KCNT2: variants seen among roughly 807,000 people sequenced by gnomAD.
KCNT2 encodes potassium channel subfamily T member 2.
In KCNT2, 67 loss-of-function variants were observed where a neutral mutation model predicts 153.8. The ratio of observed to expected loss-of-function variants is 0.44; its 90% CI spans 0.36 to 0.53. The LOEUF is 0.53. Among genes scored for constraint, KCNT2 ranks in the 20% least tolerant of loss-of-function variants. The pLI is 0.00. For synonymous variants in KCNT2, 500 were observed against 458.8 expected (o/e 1.09, Z -1.15); for missense variants, 975 against 1,354.8 (o/e 0.72, Z 4.40).
intron 12 of KCNT2, among the ~76,000 whole-genome samples, chr1:196,422,270 C>T (rs980410277): frequency 5.9e-5 from 9 of 151,906 alleles, no homozygotes; most frequent in East Asian, 1.9e-4. Context: ...GAGAATAAAA[C>T]GTATACCTGA....
At chr1:196,463,539 G>A (rs1327471225) in intron 8 of KCNT2, among the ~76,000 whole-genome samples, 1 of 151,574 alleles carries the variant, frequency 6.6e-6, no homozygotes, top group Non-Finnish European at 1.5e-5. Flanking sequence ...TCCACTACTG[G>A]TGACAGTTGT....
chr1:196,371,435 T>A (rs972813072), intron 14 of KCNT2, among the ~76,000 whole-genome samples: 1 of 151,978 alleles, frequency 6.6e-6, no homozygotes, highest in Non-Finnish European at 1.5e-5. Context: ...GATGGTTGGA[T>A]AATTCTATGA....
chr1:196,275,177 C>G (rs1483521020), intron 25 of KCNT2, among the ~76,000 whole-genome samples: 1 of 151,764 alleles, frequency 6.6e-6, no homozygotes, highest in Non-Finnish European at 1.5e-5. Context: ...AAATACTGAT[C>G]CTTTTTGTCC....
chr1:196,528,645 A>G (rs1020275252), intron 1 of KCNT2, among the ~76,000 whole-genome samples: 1 of 152,148 alleles, frequency 6.6e-6, no homozygotes, highest in Non-Finnish European at 1.5e-5. Context: ...TCGTAAAAAA[A>G]CAGAATCATT....
At chr1:196,258,048 C>A in intron 26 of KCNT2, 146 bp downstream of exon 26, 1 of 1,429,794 alleles carries the variant, frequency 7.0e-7, no homozygotes, top group Non-Finnish European at 9.1e-7. Flanking sequence ...TTTAAATTTT[C>A]TGTAGGAGAT....
At chr1:196,539,893 G>C (rs949856061) in intron 1 of KCNT2, among the ~76,000 whole-genome samples, 3 of 151,658 alleles carry the variant, frequency 2.0e-5, no homozygotes, top group African/African-American at 7.3e-5. Flanking sequence ...ATTAGTTACA[G>C]TGGCATGCTG....
chr1:196,546,038 A>G lies in KCNT2; in HGVS notation c.96-53697T>C, dbSNP rs567580794. Reference sequence around the variant, plus strand: ...TCCATTTCTCTTGAGTATATAACCAATAGTATTCTGGGCCATATAGTAAAT... The same window carrying G: ...TCCATTTCTCTTGAGTATATAACCAGTAGTATTCTGGGCCATATAGTAAAT... On this transcript the variant is annotated intron_variant, in intron 1 of 27. Transcript: ENST00000294725. 1.5e-3 allele frequency among the ~76,000 whole-genome samples: 230 copies of G among 152,154 alleles called. 2 individuals are homozygous for G. The highest frequency in any genetic ancestry group is 5.0e-3 in the African/African-American group (209 of 41,540).
At chr1:196,404,671 A>G (rs769341422) in intron 12 of KCNT2, among the ~76,000 whole-genome samples, 1 of 151,532 alleles carries the variant, frequency 6.6e-6, no homozygotes, top group Non-Finnish European at 1.5e-5. Context: ...ATGCTACTTG[A>G]TCCCATTGTA....
rs539150086 is a variant in KCNT2, at chr1:196,417,236, C to T, written c.1185+5814G>A. 2.7e-4 allele frequency among the ~76,000 whole-genome samples: 41 copies of T among 152,164 alleles called. No homozygotes were observed. The South Asian group carries it at 8.1e-3, about 30-fold the overall frequency. ...CAGGCAGTTCAACTGCAAATTTACC[C>T]ATGTTTATACTGACATCTCAAGGGT... On this transcript the variant is annotated intron_variant, in intron 12 of 27. Coordinates refer to ENST00000294725, the MANE Select transcript of KCNT2 (RefSeq NM_198503.5).
At chr1:196,270,874 A>C (rs1413975406) in intron 25 of KCNT2, among the ~76,000 whole-genome samples, 1 of 151,672 alleles carries the variant, frequency 6.6e-6, no homozygotes, top group African/African-American at 2.4e-5. Context: ...AAACCTACAC[A>C]CTACAAGGTA....
intron 13 of KCNT2, among the ~76,000 whole-genome samples, chr1:196,374,134 A>G (rs929200539): frequency 6.6e-6 from 1 of 151,950 alleles, no homozygotes; most frequent in Non-Finnish European, 1.5e-5. Context: ...ATAAACAAGT[A>G]TAGCTGGTAT....
chr1:196,272,128 T>A (rs1466580094), intron 25 of KCNT2, among the ~76,000 whole-genome samples: 1 of 151,948 alleles, frequency 6.6e-6, no homozygotes, highest in Non-Finnish European at 1.5e-5. Context: ...AGATTTAAAC[T>A]CAGATCATTG....
At chr1:196,587,088 T>G (rs1245449583) in intron 1 of KCNT2, among the ~76,000 whole-genome samples, 1 of 152,062 alleles carries the variant, frequency 6.6e-6, no homozygotes, top group Non-Finnish European at 1.5e-5. Context: ...TGGAAAAAAT[T>G]TGAATAAAAT....
chr1:196,579,314 G>A (rs1398340951), intron 1 of KCNT2, among the ~76,000 whole-genome samples: 1 of 151,846 alleles, frequency 6.6e-6, no homozygotes, highest in Non-Finnish European at 1.5e-5. Context: ...TAAACCCTGG[G>A]GCCTACTTGA....
intron 12 of KCNT2, among the ~76,000 whole-genome samples, chr1:196,413,027 T>C (rs960097725): frequency 1.1e-4 from 17 of 151,696 alleles, no homozygotes; most frequent in African/African-American, 3.9e-4. Flanking sequence ...ATTTAATGGA[T>C]ACAAAGTTAA....
At chr1:196,557,891 A>C (rs1346754526) in intron 1 of KCNT2, among the ~76,000 whole-genome samples, 1 of 151,378 alleles carries the variant, frequency 6.6e-6, no homozygotes, top group East Asian at 1.9e-4. Context: ...TTCCAAATGA[A>C]ATCAAACTTC....
intron 13 of KCNT2, among the ~76,000 whole-genome samples, chr1:196,382,437 GA>G: frequency 6.6e-6 from 1 of 152,020 alleles, no homozygotes. Context: ...AGATAATTAA[GA>G]AAAGTTGTTT....
At chr1:196,592,814 T>C (rs1663543691) in intron 1 of KCNT2, among the ~76,000 whole-genome samples, 1 of 148,648 alleles carries the variant, frequency 6.7e-6, no homozygotes, top group Non-Finnish European at 1.5e-5. Context: ...AATTTAAATG[T>C]ACTTTTACTT....
chr1:196,489,243 C>T (rs1209541276), intron 3 of KCNT2, among the ~76,000 whole-genome samples: 1 of 151,942 alleles, frequency 6.6e-6, no homozygotes, highest in Non-Finnish European at 1.5e-5. Flanking sequence ...CTCATGTATC[C>T]ATTCATTCAT....
Sources: gnomAD v4.1 joint callset for allele counts (sites outside exome capture counted in the v4.1 genomes callset) on GRCh38, gnomAD v4.1.1 for gene constraint, MANE v1.5 for transcripts, NCBI Gene and HGNC (gene_info 2026-07-23, HGNC 2026-07-21) for gene names.